ZNF423: variants seen among roughly 807,000 people sequenced by gnomAD.
ZNF423 encodes zinc finger protein 423.
ZNF423 carries 12 observed loss-of-function variants against 95.8 expected under a neutral mutation model. That is an observed-to-expected ratio of 0.13 (90% CI 0.08 to 0.20). ZNF423 has a LOEUF of 0.20. Ranked by LOEUF, ZNF423 falls within the 10% of genes least tolerant of loss-of-function variation. The pLI, the probability that ZNF423 is intolerant of heterozygous loss-of-function variation, is 1.00. For synonymous variants in ZNF423, 749 were observed against 711.9 expected, an observed-to-expected ratio of 1.05 and a Z score of -0.83; for missense variants, 1,316 against 1,737.1, an observed-to-expected ratio of 0.76 and a Z score of 4.31.
intron 1 of ZNF423, among the ~76,000 whole-genome samples, chr16:49,822,404 C>T (rs1405163788): frequency 6.6e-6 from 1 of 152,084 alleles, no homozygotes; most frequent in Non-Finnish European, 1.5e-5. Context: ...GAACTCCTGA[C>T]CTCAGGCGAT....
chr16:49,840,433 C>G (rs1468992875), intron 1 of ZNF423, among the ~76,000 whole-genome samples: 1 of 152,136 alleles, frequency 6.6e-6, no homozygotes, highest in Non-Finnish European at 1.5e-5. Flanking sequence ...ACATGGCCAG[C>G]TGAATCTTAG....
At chr16:49,679,267 C>T (rs760413373) in intron 3 of ZNF423, among the ~76,000 whole-genome samples, 5 of 152,342 alleles carry the variant, frequency 3.3e-5, no homozygotes, top group Non-Finnish European at 5.9e-5. Flanking sequence ...GCCAGGGCTG[C>T]GCCCTCCGTG....
At chr16:49,793,962 A>G (rs1311738616) in intron 1 of ZNF423, among the ~76,000 whole-genome samples, 1 of 151,770 alleles carries the variant, frequency 6.6e-6, no homozygotes, top group African/African-American at 2.4e-5. Flanking sequence ...ATGTTTTGTA[A>G]CCTTTGCAAA....
intron 3 of ZNF423, among the ~76,000 whole-genome samples, chr16:49,644,658 CAAAAAAAAAAAAAAAAAAAA>C (rs56066766): frequency 2.0e-4 from 8 of 39,580 alleles, no homozygotes; most frequent in East Asian, 2.5e-3. Flanking sequence ...AACTCTGACT[CAAAAAAAAAAAAAAAAAAAA>C]AAAAAAAAAA....
chr16:49,548,457 G>T lies in ZNF423; in HGVS notation c.3602-22963C>A, dbSNP rs1432983416. On this transcript the variant is annotated intron_variant, in intron 5 of 7. Transcript: ENST00000563137. Reference sequence around the variant, plus strand: ...AACGGCATTACATAAATCTGATGCGGATTTAGAACATGCCAGCTCTGACAC... The same window carrying T: ...AACGGCATTACATAAATCTGATGCGTATTTAGAACATGCCAGCTCTGACAC... 2.0e-5 allele frequency among the ~76,000 whole-genome samples: 3 copies of T among 152,254 alleles called. No individual in the cohort carries two copies. In the South Asian group the frequency reaches 6.2e-4, roughly 32 times the overall value.
At chr16:49,650,001 T>C (rs1246442599) in intron 3 of ZNF423, among the ~76,000 whole-genome samples, 1 of 152,222 alleles carries the variant, frequency 6.6e-6, no homozygotes, top group Non-Finnish European at 1.5e-5. Context: ...CCCCAAAGTA[T>C]AAGCAAGGAA....
intron 5 of ZNF423, among the ~76,000 whole-genome samples, chr16:49,593,946 G>A (rs1490668154): frequency 6.6e-6 from 1 of 152,128 alleles, no homozygotes; most frequent in Non-Finnish European, 1.5e-5. Flanking sequence ...GGAACCCGCA[G>A]GTTCCCCAGA....
chr16:49,651,184 C>T (rs1973386619), intron 3 of ZNF423, among the ~76,000 whole-genome samples: 1 of 133,002 alleles, frequency 7.5e-6, no homozygotes, highest in South Asian at 2.9e-4. Context: ...CCATGCCTGG[C>T]TAATTTTAAT....
chr16:49,681,973 C>G (rs988195820), intron 3 of ZNF423, among the ~76,000 whole-genome samples: 1 of 151,938 alleles, frequency 6.6e-6, no homozygotes, highest in African/African-American at 2.4e-5. Flanking sequence ...ACCTAACAAG[C>G]TCCCACCCCT....
intron 3 of ZNF423, among the ~76,000 whole-genome samples, chr16:49,715,121 A>AGAGACAGGAACAGGCATGAGG (rs1219645235): frequency 1.3e-5 from 2 of 152,258 alleles, no homozygotes; most frequent in Non-Finnish European, 2.9e-5. Context: ...CCACAAGGCC[A>AGAGACAGGAACAGGCATGAGG]GAGACAGGAA....
chr16:49,755,667 C>T (rs1266316739), intron 2 of ZNF423, among the ~76,000 whole-genome samples: 1 of 152,182 alleles, frequency 6.6e-6, no homozygotes, highest in Non-Finnish European at 1.5e-5. Context: ...CCCTCGTTTA[C>T]AGGGTGTGTG....
chr16:49,580,810 A>T (rs2151801187), intron 5 of ZNF423, among the ~76,000 whole-genome samples: 1 of 152,284 alleles, frequency 6.6e-6, no homozygotes, highest in African/African-American at 2.4e-5. Context: ...TCCAACGAGC[A>T]GGCAGCGGAG....
At chr16:49,672,111 C>T (rs188812570) in intron 3 of ZNF423, among the ~76,000 whole-genome samples, 3 of 152,310 alleles carry the variant, frequency 2.0e-5, no homozygotes, top group Non-Finnish European at 4.4e-5. Flanking sequence ...TTTGGGAACA[C>T]TCCAGCAGCA....
At chr16:49,651,115 G>A (rs1379448598) in intron 3 of ZNF423, among the ~76,000 whole-genome samples, 3 of 151,656 alleles carry the variant, frequency 2.0e-5, no homozygotes, top group Non-Finnish European at 4.4e-5. Context: ...CAACCTCCTG[G>A]GCTCAAGCGA....
At chr16:49,753,716 A>G (rs1596969611) in intron 2 of ZNF423, among the ~76,000 whole-genome samples, 1 of 152,352 alleles carries the variant, frequency 6.6e-6, no homozygotes, top group South Asian at 2.1e-4. Context: ...CATTTGAGCA[A>G]ACACTTGAAT....
chr16:49,658,922 C>G (rs902834828), intron 3 of ZNF423, among the ~76,000 whole-genome samples: 2 of 152,258 alleles, frequency 1.3e-5, no homozygotes, highest in African/African-American at 4.8e-5. Context: ...CCACTGGAAC[C>G]AGGCCCTCAT....
chr16:49,570,901 C>CA (rs1248491768), intron 5 of ZNF423, among the ~76,000 whole-genome samples: 7 of 152,338 alleles, frequency 4.6e-5, no homozygotes, highest in Non-Finnish European at 8.8e-5. Flanking sequence ...GCCCCATTGC[C>CA]ACCCTCCTCC....
At chr16:49,519,055 C>A (rs1260549009) in intron 7 of ZNF423, among the ~76,000 whole-genome samples, 2 of 152,136 alleles carry the variant, frequency 1.3e-5, no homozygotes, top group East Asian at 3.9e-4. Flanking sequence ...CAGAGCCAGA[C>A]CCTGTCACTT....
At position 49,638,499 on chromosome 16, in the gene ZNF423, G is replaced by A; in HGVS notation, c.677C>T (p.Ser226Phe). The A allele has an allele frequency of 6.2e-7, 1 of 1,613,840 alleles. No individual in the cohort carries two copies. Among genetic ancestry groups the A allele is most frequent in the Non-Finnish European group, 8.5e-7 (1 of 1,180,038 alleles). The change falls in exon 4 of 8, where the codon TCC (serine) becomes TTC (phenylalanine). Residue 226 changes from serine to phenylalanine, a missense_variant. Coordinates refer to ENST00000563137, the MANE Select transcript of ZNF423 (RefSeq NM_001379286.1). The surrounding 1 kb of genome is among the most constrained non-coding windows in gnomAD (Gnocchi z 5.6). ...CACAGTGCACTTGAAGGGCTTGCTGGAGCTGTGGGTCTTCAGGTGGATCTT... is the reference window on the plus strand; with the variant it reads ...CACAGTGCACTTGAAGGGCTTGCTGAAGCTGTGGGTCTTCAGGTGGATCTT... ...HLKIHLKTHS[S>F]SKPFKCTVCK...
Sources: gnomAD v4.1 joint callset for allele counts (sites outside exome capture counted in the v4.1 genomes callset) on GRCh38, gnomAD v4.1.1 for gene constraint, Gnocchi (gnomAD v3.1) non-coding constraint, MANE v1.5 for transcripts, NCBI Gene and HGNC (gene_info 2026-07-23, HGNC 2026-07-21) for gene names.